AIM2: variants seen among roughly 807,000 people sequenced by gnomAD.
AIM2 encodes interferon-inducible protein AIM2.
Under a neutral mutation model 27.7 loss-of-function variants are expected in AIM2, and 30 were observed. The ratio of observed to expected loss-of-function variants is 1.08; its 90% CI spans 0.81 to 1.47. The LOEUF (loss-of-function observed/expected upper bound fraction) is 1.47, where lower values mean the gene tolerates loss of function less well. Among genes scored for constraint, AIM2 ranks in the 40% most tolerant of loss-of-function variants. The pLI is 0.00. For synonymous variants in AIM2, 141 were observed against 145.3 expected, an observed-to-expected ratio of 0.97 and a Z score of 0.21; for missense variants, 358 against 411.3, an observed-to-expected ratio of 0.87 and a Z score of 1.12.
intron 1 of AIM2, among the ~76,000 whole-genome samples, chr1:159,098,250 A>G (rs762238936): frequency 1.5e-4 from 23 of 152,246 alleles, no homozygotes; most frequent in Non-Finnish European, 2.6e-4. Flanking sequence ...AACTTTCTTC[A>G]TATTGTCGGC....
intron 5 of AIM2, 120 bp downstream of exon 5, chr1:159,063,366 G>A (rs994366115): frequency 4.4e-6 from 4 of 917,322 alleles, no homozygotes; most frequent in Non-Finnish European, 4.9e-6. Context: ...AGATGAACGT[G>A]TACTAAATAT....
intron 1 of AIM2, chr1:159,123,673 G>A (rs1647603371): frequency 6.6e-6 from 1 of 152,182 alleles, no homozygotes; most frequent in African/African-American, 2.4e-5. Flanking sequence ...CAGATTTATT[G>A]CTGTGCATCC....
intron 1 of AIM2, among the ~76,000 whole-genome samples, chr1:159,108,534 C>A (rs1052315920): frequency 6.6e-6 from 1 of 152,106 alleles, no homozygotes; most frequent in African/African-American, 2.4e-5. Context: ...TACTGGAAGT[C>A]CTAGGCAGAG....
chr1:159,065,654 A>G (rs1656055296), intron 4 of AIM2, among the ~76,000 whole-genome samples: 1 of 152,252 alleles, frequency 6.6e-6, no homozygotes, highest in Non-Finnish European at 1.5e-5. Flanking sequence ...AATAAAAATT[A>G]TGTGAATGAA....
At chr1:159,126,152 T>C (rs1311786889) in intron 1 of AIM2, among the ~76,000 whole-genome samples, 4 of 152,208 alleles carry the variant, frequency 2.6e-5, no homozygotes, top group Admixed American at 6.5e-5. Flanking sequence ...TCTGAACACA[T>C]TCATGTGATG....
chr1:159,092,251 A>G (rs1657065330), intron 1 of AIM2, among the ~76,000 whole-genome samples: 1 of 152,238 alleles, frequency 6.6e-6, no homozygotes, highest in South Asian at 2.1e-4. Context: ...TCAGGAAATG[A>G]TTCACCATGT....
chr1:159,067,602 T>C, intron 3 of AIM2, among the ~76,000 whole-genome samples: 1 of 152,168 alleles, frequency 6.6e-6, no homozygotes, highest in East Asian at 1.9e-4. Flanking sequence ...GGTCCATGTA[T>C]CTTTATTTGG....
the AIM2 span, among the ~76,000 whole-genome samples, chr1:159,056,815 G>T: frequency 1.4e-5 from 2 of 147,440 alleles, no homozygotes; most frequent in East Asian, 4.1e-4. Context: ...AAGCTGACCA[G>T]TTTAAGGTTT....
upstream of AIM2, among the ~76,000 whole-genome samples, chr1:159,143,615 CACACACA>C: frequency 1.3e-5 from 2 of 149,828 alleles, no homozygotes; most frequent in East Asian, 3.9e-4. Context: ...CACACACACA[CACACACA>C]CACACACACT....
intron 1 of AIM2, among the ~76,000 whole-genome samples, chr1:159,106,354 A>T (rs897537661): frequency 1.3e-5 from 2 of 152,204 alleles, no homozygotes; most frequent in Non-Finnish European, 1.5e-5. Context: ...TGGCTGCTCT[A>T]GACAGGCTTC....
chr1:159,142,198 G>A (rs1648126702), upstream of AIM2, among the ~76,000 whole-genome samples: 1 of 152,136 alleles, frequency 6.6e-6, no homozygotes, highest in Admixed American at 6.5e-5. Context: ...TGTGAACAAC[G>A]GCAGCAGAGA....
At chr1:159,133,142 A>C (rs1647936738) in intron 1 of AIM2, among the ~76,000 whole-genome samples, 1 of 151,892 alleles carries the variant, frequency 6.6e-6, no homozygotes, top group African/African-American at 2.4e-5. Flanking sequence ...ATTCCCAAAA[A>C]CCTTGGCTTC....
intron 1 of AIM2, among the ~76,000 whole-genome samples, chr1:159,119,958 A>G (rs1191342179): frequency 6.6e-6 from 1 of 152,174 alleles, no homozygotes; most frequent in Non-Finnish European, 1.5e-5. Context: ...TGCATATAAT[A>G]CATGATATAC....
At chr1:159,111,024 T>C (rs184577390) in intron 1 of AIM2, among the ~76,000 whole-genome samples, 88 of 152,202 alleles carry the variant, frequency 5.8e-4, no homozygotes, top group Admixed American at 1.1e-3. Context: ...ACAACGCTTA[T>C]TGGGGATGGC....
chr1:159,074,101 A>G (rs545030039), intron 1 of AIM2, among the ~76,000 whole-genome samples: 2 of 152,312 alleles, frequency 1.3e-5, no homozygotes, highest in African/African-American at 4.8e-5. Flanking sequence ...TATTTTTAAA[A>G]TAGATTTATC....
At chr1:159,083,496 A>G (rs1255154043) in intron 1 of AIM2, among the ~76,000 whole-genome samples, 2 of 152,216 alleles carry the variant, frequency 1.3e-5, no homozygotes, top group Admixed American at 6.5e-5. Context: ...AATTTCAATC[A>G]ATAGTAATAT....
intron 2 of AIM2, among the ~76,000 whole-genome samples, chr1:159,071,327 G>A (rs898812468): frequency 1.3e-5 from 2 of 152,178 alleles, no homozygotes; most frequent in African/African-American, 4.8e-5. Flanking sequence ...AACCAAGAAT[G>A]ACAGATTAAC....
At chr1:159,084,042 C>A (rs1479505721) in intron 1 of AIM2, among the ~76,000 whole-genome samples, 3 of 152,160 alleles carry the variant, frequency 2.0e-5, no homozygotes, top group Non-Finnish European at 4.4e-5. Context: ...TCTCATGTAA[C>A]CCTACCACTC....
intron 1 of AIM2, among the ~76,000 whole-genome samples, chr1:159,130,087 C>T (rs1360757300): frequency 3.9e-5 from 6 of 152,188 alleles, no homozygotes; most frequent in African/African-American, 1.4e-4. Flanking sequence ...GACACTATGG[C>T]TCGTGCACCC....
Sources: gnomAD v4.1 joint callset for allele counts (sites outside exome capture counted in the v4.1 genomes callset) on GRCh38, gnomAD v4.1.1 for gene constraint, MANE v1.5 for transcripts, NCBI Gene and HGNC (gene_info 2026-07-23, HGNC 2026-07-21) for gene names.